PDE2A: variants seen among roughly 807,000 people sequenced by gnomAD.
PDE2A encodes the protein cGMP-dependent 3',5'-cyclic phosphodiesterase.
PDE2A carries 53 observed loss-of-function variants against 133.6 expected under a neutral mutation model. The observed-to-expected ratio is 0.40, with a 90% CI of 0.32 to 0.50. PDE2A has a LOEUF of 0.50. PDE2A is among the 20% of genes least tolerant of loss of function. The pLI is 0.73. For synonymous variants in PDE2A, 491 were observed against 490.2 expected, an observed-to-expected ratio of 1.00 and a Z score of -0.02; for missense variants, 796 against 1,232.4, an observed-to-expected ratio of 0.65 and a Z score of 5.30.
At chr11:72,669,409 AG>A (rs1357666249) in intron 1 of PDE2A, among the ~76,000 whole-genome samples, 1 of 152,170 alleles carries the variant, frequency 6.6e-6, no homozygotes, top group Non-Finnish European at 1.5e-5. Flanking sequence ...GGCAGTGAGA[AG>A]GGTGACTTCA....
In PDE2A at chr11:72,588,754, C is replaced by T. The variant is rs763993671; in HGVS notation, c.1070+30G>A. The T allele has an allele frequency of 3.8e-6, 6 of 1,571,140 alleles. No homozygotes were observed. The South Asian group carries it at 7.0e-5, about 18-fold the overall frequency. On this transcript the variant is annotated intron_variant, in intron 13 of 30. Coordinates refer to ENST00000334456, the MANE Select transcript of PDE2A (RefSeq NM_002599.5). The stretch of plus-strand genomic sequence containing the variant: ...CCTAGCCAGCCTCTCAGTGACATCT[C>T]CTGATCTGCATCATCCCACAAAGAC...
rs368471737 is a variant in PDE2A, at chr11:72,597,750, G to A, written c.324-131C>T. On this transcript the variant is annotated intron_variant, in intron 4 of 30. Transcript: ENST00000334456. This position sits in a 1 kb window ranked among gnomAD's most constrained non-coding sequence, Gnocchi z 4.6. ...TGGGCAAGCTGACCTGCCTCAGGTT[G>A]GACACGATGACAGCACAAGTAAAAA... The A allele has an allele frequency of 1.9e-5, 12 of 616,804 alleles. No homozygotes were observed. Among genetic ancestry groups the A allele is most frequent in the South Asian group, 1.4e-4 (7 of 51,818 alleles). The allele number at this position is 616,804 out of a possible 1,614,324, so 38.2% of individuals were successfully genotyped here. A position where few individuals can be genotyped will look rare whatever the true frequency, so the allele number is the denominator to read the frequency against.
At chr11:72,627,305 C>T (rs1259123046) in intron 2 of PDE2A, among the ~76,000 whole-genome samples, 1 of 152,200 alleles carries the variant, frequency 6.6e-6, no homozygotes, top group Non-Finnish European at 1.5e-5. Context: ...CACAGCACCC[C>T]GTGGGGTAAC....
intron 2 of PDE2A, among the ~76,000 whole-genome samples, chr11:72,610,350 A>G (rs1857151919): frequency 6.6e-6 from 1 of 152,134 alleles, no homozygotes; most frequent in African/African-American, 2.4e-5. Flanking sequence ...GAGAGGGAGG[A>G]AGTGAGCTTC....
At chr11:72,632,629 A>G (rs1858464348) in intron 2 of PDE2A, among the ~76,000 whole-genome samples, 2 of 152,088 alleles carry the variant, frequency 1.3e-5, no homozygotes, top group African/African-American at 2.4e-5. Flanking sequence ...TAAGTGCCTG[A>G]CCCAGGGCTG....
At position 72,579,328 on chromosome 11, in the gene PDE2A, G is replaced by A; in HGVS notation, c.2312C>T (p.Ala771Val). Residue 771 changes from alanine (A) to valine (V), a missense_variant, in exon 27 of 31, where the codon GCC (alanine) becomes GTC (valine). By Grantham distance (64) the Ala-to-Val change is moderately conservative. Transcript: ENST00000334456. ...MRDIILATDL[A>V]HHLRIFKDLQ... is the part of the protein sequence containing the mutation. ...GTCCTTGAAGATGCGGAGATGGTGGGCCAGGTCTGTGGCCAAGATGATGTC... is the reference window on the plus strand; with the variant it reads ...GTCCTTGAAGATGCGGAGATGGTGGACCAGGTCTGTGGCCAAGATGATGTC... The A allele has an allele frequency of 6.2e-7, 1 of 1,613,868 alleles. No individual in the cohort carries two copies. Among genetic ancestry groups the A allele is most frequent in the Non-Finnish European group, 8.5e-7 (1 of 1,179,892 alleles).
At chr11:72,647,773 T>C (rs377432) in intron 1 of PDE2A, among the ~76,000 whole-genome samples, 118,747 of 152,182 alleles carry the variant, frequency 0.78, 46,954 homozygotes, top group Middle Eastern at 0.84. Flanking sequence ...CTGCTCTGTA[T>C]GTGTGTGCAT....
chr11:72,597,478 G>GCCCCTC lies in PDE2A; in HGVS notation c.433+31_433+32insGAGGGG. On this transcript the variant is annotated intron_variant, in intron 5 of 30. Transcript: ENST00000334456. The surrounding 1 kb of genome is among the most constrained non-coding windows in gnomAD (Gnocchi z 4.6). ...GGGGCCACAGTCCCTCCCTGCCCCT[G>GCCCCTC]CCCCTGCCCCTGCCCAGCCCCTAGC... 1 of 1,289,398 alleles carries GCCCCTC rather than the reference G, an allele frequency of 7.8e-7. No individual in the cohort carries two copies. Among genetic ancestry groups the GCCCCTC allele is most frequent in the Non-Finnish European group, 1.1e-6 (1 of 901,934 alleles). 79.9% of individuals were successfully genotyped at this position (1,289,398 alleles called of 1,614,324 possible).
At chr11:72,630,696 C>T (rs1858331525) in intron 2 of PDE2A, among the ~76,000 whole-genome samples, 3 of 152,026 alleles carry the variant, frequency 2.0e-5, no homozygotes, top group African/African-American at 7.2e-5. Flanking sequence ...AGCAAGCAGC[C>T]AGTGAGTGGC....
chr11:72,616,081 G>T (rs1305460690), intron 2 of PDE2A, among the ~76,000 whole-genome samples: 1 of 152,204 alleles, frequency 6.6e-6, no homozygotes, highest in Non-Finnish European at 1.5e-5. Context: ...CCTCCAAGAG[G>T]CAGGCATGGT....
chr11:72,579,519 C>A lies in PDE2A; in HGVS notation c.2256+15G>T, dbSNP rs1371835032. ...AGCTCCCCCTCAATCCCCACCCCACCCCCAACCCCATCACCTTCCGGGAGA... is the reference window on the plus strand; with the variant it reads ...AGCTCCCCCTCAATCCCCACCCCACACCCAACCCCATCACCTTCCGGGAGA... On this transcript the variant is annotated intron_variant, in intron 26 of 30. Transcript: ENST00000334456. 2 of 1,528,492 alleles carry A rather than the reference C, an allele frequency of 1.3e-6. No homozygotes were observed. Among genetic ancestry groups the A allele is most frequent in the East Asian group, 4.5e-5 (2 of 44,040 alleles). 94.7% of individuals were successfully genotyped at this position (1,528,492 alleles called of 1,614,324 possible). A position where few individuals can be genotyped will look rare whatever the true frequency, so the allele number is the denominator to read the frequency against.
At chr11:72,582,025 C>T in intron 21 of PDE2A, 78 bp from the exon 22 acceptor site, 1 of 1,144,454 alleles carries the variant, frequency 8.7e-7, no homozygotes, top group Non-Finnish European at 1.3e-6. Context: ...TCTTCAAGCT[C>T]CACACTCAAA....
intron 6 of PDE2A, among the ~76,000 whole-genome samples, chr11:72,594,712 C>T (rs1856393935): frequency 6.6e-6 from 1 of 152,156 alleles, no homozygotes; most frequent in South Asian, 2.1e-4. Context: ...GGCCTCCTTC[C>T]TGCCTTGCTC....
rs986405346 is a variant in PDE2A, at chr11:72,577,586, T to C, written c.2624A>G (p.Gln875Arg). The C allele has an allele frequency of 5.7e-6, 9 of 1,583,580 alleles. No individual in the cohort carries two copies. The highest frequency in any genetic ancestry group is 7.7e-6 in the Non-Finnish European group (9 of 1,176,238). ...CTCTGCCGCTTTGGGGAACAGGTCC[T>C]GCAACAGCCTGCGGGTGCATGGGGG... ...HIAMPIYKLLQDLFPKAAELY... is the reference protein window; with the variant it reads ...HIAMPIYKLLRDLFPKAAELY... The change falls in exon 31 of 31, where the codon CAG (glutamine) becomes CGG (arginine). Residue 875 changes from glutamine (Q) to arginine (R), a missense_variant. Coordinates refer to ENST00000334456, the MANE Select transcript of PDE2A (RefSeq NM_002599.5).
chr11:72,654,292 G>C (rs763486073), intron 1 of PDE2A, among the ~76,000 whole-genome samples: 1 of 152,202 alleles, frequency 6.6e-6, no homozygotes, highest in Non-Finnish European at 1.5e-5. Context: ...GGCACTTGAC[G>C]GGCAACATCT....
At chr11:72,625,513 C>T (rs1858013274) in intron 2 of PDE2A, among the ~76,000 whole-genome samples, 1 of 152,068 alleles carries the variant, frequency 6.6e-6, no homozygotes, top group South Asian at 2.1e-4. Flanking sequence ...GGAAGACTTC[C>T]CAGATGGAGC....
chr11:72,595,646 G>A (rs1281536127), intron 6 of PDE2A, among the ~76,000 whole-genome samples: 1 of 152,098 alleles, frequency 6.6e-6, no homozygotes, highest in Non-Finnish European at 1.5e-5. Context: ...AGTCCCCGGG[G>A]AACCAACACC....
intron 2 of PDE2A, among the ~76,000 whole-genome samples, chr11:72,638,329 C>T (rs183985534): frequency 1.8e-3 from 273 of 152,338 alleles, no homozygotes; most frequent in African/African-American, 6.3e-3. Flanking sequence ...GGACTGCCAA[C>T]CCTACATGGC....
intron 22 of PDE2A, 122 bp from the exon 23 acceptor site, chr11:72,581,601 T>C (rs1773372693): frequency 8.8e-7 from 1 of 1,136,232 alleles, no homozygotes; most frequent in Non-Finnish European, 1.2e-6. Context: ...CCTTGATGAC[T>C]CTGTCTTAGC....
Sources: allele counts gnomAD v4.1 joint callset (sites outside exome capture counted in the v4.1 genomes callset), GRCh38; gene constraint gnomAD v4.1.1; non-coding constraint Gnocchi (gnomAD v3.1); transcripts MANE v1.5; gene names NCBI Gene and HGNC (gene_info 2026-07-23, HGNC 2026-07-21).